PASD1: variants seen among roughly 807,000 people sequenced by gnomAD.
The protein encoded by PASD1 is PAS domain containing repressor 1.
In PASD1, 13 loss-of-function variants were observed where a neutral mutation model predicts 58.8. That is an observed-to-expected ratio of 0.22 (90% CI 0.14 to 0.35). The LOEUF is 0.35. PASD1 is among the 10% of genes least tolerant of loss of function. The pLI, the probability that PASD1 is intolerant of heterozygous loss-of-function variation, is 1.00. For synonymous variants in PASD1, 236 were observed against 216.7 expected, an observed-to-expected ratio of 1.09 and a Z score of -0.78; for missense variants, 734 against 568.3, an observed-to-expected ratio of 1.29 and a Z score of -2.96.
intron 1 of PASD1, among the ~76,000 whole-genome samples, chrX:151,564,381 G>T (rs779711011): frequency 9.0e-6 from 1 of 111,729 alleles, no homozygotes; most frequent in East Asian, 2.8e-4. Context: ...AGAATTTTCA[G>T]GGCAGTAGCG....
chrX:151,650,949 A>T (rs778200791), intron 9 of PASD1, among the ~76,000 whole-genome samples: 1 of 111,672 alleles, frequency 9.0e-6, no homozygotes, highest in Admixed American at 9.5e-5. Context: ...GCATGGAGAA[A>T]GAATGCCAGA....
chrX:151,671,504 A>T, intron 12 of PASD1, 69 bp from the exon 13 acceptor site: 1 of 1,130,967 alleles, frequency 8.8e-7, no homozygotes, highest in South Asian at 1.9e-5. Flanking sequence ...CTCCATGCCC[A>T]GCTTGTCTTA....
chrX:151,654,786 A>T (rs1006242877), intron 9 of PASD1, among the ~76,000 whole-genome samples: 1 of 111,205 alleles, frequency 9.0e-6, no homozygotes, highest in Non-Finnish European at 1.9e-5. Context: ...TGGCAGGTAA[A>T]TAAGAGATAA....
chrX:151,578,078 A>G (rs112614402), intron 1 of PASD1, among the ~76,000 whole-genome samples: 1,706 of 111,813 alleles, frequency 0.015, 17 homozygotes, highest in Non-Finnish European at 0.022. Context: ...GCCAAAATGC[A>G]TGCATAGGTG....
intron 3 of PASD1, among the ~76,000 whole-genome samples, chrX:151,605,999 A>G (rs768291656): frequency 1.4e-4 from 16 of 112,481 alleles, no homozygotes; most frequent in Non-Finnish European, 2.6e-4. Context: ...ATGAAACCAG[A>G]TGCTTATTTG....
intron 4 of PASD1, among the ~76,000 whole-genome samples, chrX:151,618,956 C>T (rs2013671231): frequency 1.8e-5 from 2 of 111,264 alleles, no homozygotes; most frequent in Admixed American, 1.9e-4. Flanking sequence ...CTTGGATAAT[C>T]AGTAGAAAAT....
Position 151,674,057 on chromosome X carries a change from C to G in PASD1, c.2046C>G (p.Thr682=), listed in dbSNP as rs766326954. ...FPITSDSTIS[T]LETPQDYIRL... Reference sequence around the variant, plus strand: ...TAACTTCAGACTCAACCATAAGCACCCTGGAGACCCCACAGGATTACATCC... The same window carrying G: ...TAACTTCAGACTCAACCATAAGCACGCTGGAGACCCCACAGGATTACATCC... The change falls in exon 15 of 16, where the codon ACC becomes ACG. Residue 682 remains threonine, a synonymous_variant. Transcript: ENST00000370357. The G allele has an allele frequency of 7.4e-6, 9 of 1,210,059 alleles. No individual in the cohort carries two copies. Among genetic ancestry groups the G allele is most frequent in the Non-Finnish European group, 8.9e-6 (8 of 895,117 alleles).
intron 1 of PASD1, among the ~76,000 whole-genome samples, chrX:151,583,689 C>A (rs1338027427): frequency 8.9e-6 from 1 of 112,353 alleles, no homozygotes; most frequent in African/African-American, 3.2e-5. Context: ...CAATGCCTCT[C>A]CTTATTGACT....
intron 1 of PASD1, among the ~76,000 whole-genome samples, chrX:151,572,522 C>G (rs1238831111): frequency 9.0e-6 from 1 of 111,688 alleles, no homozygotes; most frequent in Non-Finnish European, 1.9e-5. Context: ...AAATATTCCA[C>G]TATAATCTGT....
rs936927967 is a variant in PASD1, at chrX:151,676,438, T to C, written c.*295T>C. On this transcript the variant is annotated 3_prime_UTR_variant, in exon 16 of 16. Transcript: ENST00000370357. ...CCCCGCCCAGCTTTGCATATCCATG[T>C]TCTACCACAGGAAGGTGGCCTGCCA... 2 of 247,734 alleles carry C rather than the reference T, an allele frequency of 8.1e-6. No individual in the cohort carries two copies. The highest frequency in any genetic ancestry group is 2.5e-4 in the South Asian group (1 of 4,014). 20.4% of individuals were successfully genotyped at this position (247,734 alleles called of 1,213,427 possible).
intron 1 of PASD1, among the ~76,000 whole-genome samples, chrX:151,583,038 G>A (rs1687243336): frequency 8.9e-6 from 1 of 111,769 alleles, no homozygotes; most frequent in Admixed American, 9.5e-5. Flanking sequence ...TGAGCTGAAG[G>A]TCACAGATGG....
intron 9 of PASD1, among the ~76,000 whole-genome samples, chrX:151,651,781 G>A (rs978529907): frequency 5.4e-5 from 6 of 111,916 alleles, no homozygotes; most frequent in Non-Finnish European, 1.1e-4. Context: ...AGACCTGTGA[G>A]GCATTATCAT....
At chrX:151,656,194 G>C (rs2014239138) in intron 9 of PASD1, among the ~76,000 whole-genome samples, 2 of 111,340 alleles carry the variant, frequency 1.8e-5, no homozygotes, top group African/African-American at 3.3e-5. Context: ...TGAGGGCTCT[G>C]TTCTGTTCCA....
At chrX:151,611,940 G>A (rs960165998) in intron 4 of PASD1, among the ~76,000 whole-genome samples, 187 bp downstream of exon 4, 3 of 105,256 alleles carry the variant, frequency 2.9e-5, no homozygotes, top group Non-Finnish European at 2.0e-5. Flanking sequence ...TTAATATTAG[G>A]TGTATCTCCT....
At chrX:151,641,255 G>T (rs1459409689) in intron 8 of PASD1, 1 of 111,008 alleles carries the variant, frequency 9.0e-6, no homozygotes, top group Non-Finnish European at 1.9e-5. Context: ...GCCCTTTAGA[G>T]AGTGCTGATT....
chrX:151,614,802 C>T (rs4449926), intron 4 of PASD1, among the ~76,000 whole-genome samples: 41,457 of 110,411 alleles, frequency 0.38, 5,805 homozygotes, highest in African/African-American at 0.41. Flanking sequence ...TGGCATGTTC[C>T]GTGGCCTTCT....
intron 8 of PASD1, among the ~76,000 whole-genome samples, chrX:151,637,405 G>A (rs914409745): frequency 9.0e-6 from 1 of 111,695 alleles, no homozygotes; most frequent in South Asian, 3.8e-4. Flanking sequence ...TGGAGACAGA[G>A]TCTCGCTCTT....
intron 1 of PASD1, among the ~76,000 whole-genome samples, chrX:151,565,495 CCTTTT>C (rs2012823806): frequency 9.1e-6 from 1 of 110,367 alleles, no homozygotes; most frequent in African/African-American, 3.3e-5. Context: ...GGCTGTTCCT[CCTTTT>C]CTTTTCCCAG....
Position 151,672,420 on chromosome X carries a change from G to A in PASD1, c.1675G>A (p.Glu559Lys). The A allele has an allele frequency of 8.3e-7, 1 of 1,211,710 alleles. No individual in the cohort carries two copies. The highest frequency in any genetic ancestry group is 1.1e-6 in the Non-Finnish European group (1 of 895,431). ...WQGQMLQKEPEEEQQKQQLQE... is the reference protein window; with the variant it reads ...WQGQMLQKEPKEEQQKQQLQE... ...GGGGCAGATGCTACAGAAAGAGCCA[G>A]AGGAGGAGCAGCAGAAGCAGCAGCT... The change falls in exon 14 of 16, where the codon GAG becomes AAG. Residue 559 changes from glutamate (E) to lysine (K), a missense_variant. Coordinates refer to ENST00000370357, the MANE Select transcript of PASD1 (RefSeq NM_173493.3).
Sources: allele counts gnomAD v4.1 joint callset (sites outside exome capture counted in the v4.1 genomes callset), GRCh38; gene constraint gnomAD v4.1.1; transcripts MANE v1.5; gene names NCBI Gene and HGNC (gene_info 2026-07-23, HGNC 2026-07-21).